Variants in PPT1 observed in about 807,000 individuals in gnomAD.
PPT1 encodes ceroid-palmitoyl-palmitoyl-protein thioesterase 1.
Under a neutral mutation model 44.0 loss-of-function variants are expected in PPT1, and 24 were observed. That is an observed-to-expected ratio of 0.54 (90% CI 0.39 to 0.77). The LOEUF is 0.77. Among genes scored for constraint, PPT1 ranks in the 30% least tolerant of loss-of-function variants. The probability of loss-of-function intolerance (pLI) is 0.00; values close to 1 mark genes in which losing one functional copy is unlikely to be tolerated. For synonymous variants in PPT1, 148 were observed against 140.2 expected, an observed-to-expected ratio of 1.06 and a Z score of -0.39; for missense variants, 341 against 378.8, an observed-to-expected ratio of 0.90 and a Z score of 0.83.
chr1:40,086,159 G>A (rs1649249599), intron 5 of PPT1, among the ~76,000 whole-genome samples: 1 of 152,202 alleles, frequency 6.6e-6, no homozygotes, highest in African/African-American at 2.4e-5. Flanking sequence ...GAGCTGGTAC[G>A]GGGGAAGACG....
At chr1:40,080,135 G>A (rs372239206) in intron 6 of PPT1, among the ~76,000 whole-genome samples, 1 of 152,158 alleles carries the variant, frequency 6.6e-6, no homozygotes, top group South Asian at 2.1e-4. Context: ...TTTCCACCTC[G>A]CCCAGTCAGC....
At chr1:40,093,677 G>A (rs893294467) in intron 1 of PPT1, among the ~76,000 whole-genome samples, 29 of 152,124 alleles carry the variant, frequency 1.9e-4, no homozygotes, top group Non-Finnish European at 3.8e-4. Flanking sequence ...ACAAGGTCAG[G>A]AGCTCGAGAC....
At chr1:40,083,109 C>T (rs367633500) in intron 5 of PPT1, among the ~76,000 whole-genome samples, 2 of 152,176 alleles carry the variant, frequency 1.3e-5, no homozygotes, top group East Asian at 3.8e-4. Flanking sequence ...CTATTTTAAG[C>T]CCACTGTTGA....
intron 7 of PPT1, 62 bp from the exon 8 acceptor site, chr1:40,076,975 T>C: frequency 1.3e-6 from 2 of 1,586,516 alleles, no homozygotes; most frequent in Non-Finnish European, 8.6e-7. Context: ...GCCAAAATAA[T>C]TTGAGACTGG....
chr1:40,083,486 A>G (rs1258567619), intron 5 of PPT1, among the ~76,000 whole-genome samples: 1 of 152,164 alleles, frequency 6.6e-6, no homozygotes, highest in African/African-American at 2.4e-5. Context: ...AAAAAAGTTT[A>G]AAAACAAACT....
At chr1:40,081,057 G>T (rs1219525473) in intron 5 of PPT1, among the ~76,000 whole-genome samples, 2 of 152,174 alleles carry the variant, frequency 1.3e-5, no homozygotes, top group Admixed American at 6.5e-5. Flanking sequence ...CTTCTCCTGT[G>T]ACACTGGGGT....
intron 5 of PPT1, among the ~76,000 whole-genome samples, chr1:40,088,041 AGTT>A (rs1272279870): frequency 6.6e-6 from 1 of 152,200 alleles, no homozygotes; most frequent in Admixed American, 6.5e-5. Context: ...TGTAATAAAA[AGTT>A]GTTATTTGAC....
chr1:40,090,869 C>T (rs1328575705), intron 4 of PPT1, among the ~76,000 whole-genome samples: 3 of 152,204 alleles, frequency 2.0e-5, no homozygotes, highest in Non-Finnish European at 4.4e-5. Flanking sequence ...AAATTCCATT[C>T]TAATGACACA....
At chr1:40,075,797 C>G (rs1282156190) in intron 8 of PPT1, among the ~76,000 whole-genome samples, 1 of 151,224 alleles carries the variant, frequency 6.6e-6, no homozygotes, top group African/African-American at 2.4e-5. Flanking sequence ...AACCCCGTCT[C>G]TACTAACAAA....
At chr1:40,080,376 G>A in intron 6 of PPT1, 21 bp downstream of exon 6, 2 of 1,606,908 alleles carry the variant, frequency 1.2e-6, no homozygotes, top group Non-Finnish European at 1.7e-6. Flanking sequence ...ACATCTATGG[G>A]AGCCCGGTTT....
At chr1:40,076,347 C>T (rs1484237391) in intron 8 of PPT1, among the ~76,000 whole-genome samples, 3 of 152,050 alleles carry the variant, frequency 2.0e-5, no homozygotes, top group Non-Finnish European at 4.4e-5. Context: ...CACCTGTAAT[C>T]CCAGCTACTA....
intron 4 of PPT1, chr1:40,089,715 T>G (rs1649454246): frequency 1.5e-6 from 1 of 650,698 alleles, no homozygotes; most frequent in African/African-American, 1.8e-5. Context: ...CCTAAGGATC[T>G]TTTTACCTGC....
Position 40,089,378 on chromosome 1 carries a change from G to T in PPT1, c.536+32C>A, listed in dbSNP as rs373524446. 392 of 1,542,190 alleles carry T rather than the reference G, an allele frequency of 2.5e-4. 3 individuals carry two copies. The highest frequency in any genetic ancestry group is 1.2e-3 in the South Asian group (111 of 89,668). On this transcript the variant is annotated intron_variant, in intron 5 of 8. Coordinates refer to ENST00000642050, the MANE Select transcript of PPT1 (RefSeq NM_000310.4). ...AGCATGATATTTTCACACGGTGACA[G>T]GTCTGTAATCTTTTCAGCTAACCAT...
intron 5 of PPT1, among the ~76,000 whole-genome samples, chr1:40,087,180 C>T (rs546763615): frequency 6.6e-6 from 1 of 152,126 alleles, no homozygotes; most frequent in East Asian, 1.9e-4. Context: ...TCTGCTACCA[C>T]TTAATTAAAG....
chr1:40,083,226 C>A (rs957505744), intron 5 of PPT1, among the ~76,000 whole-genome samples: 68 of 152,244 alleles, frequency 4.5e-4, no homozygotes, highest in African/African-American at 1.5e-3. Context: ...GGTAGGAGGA[C>A]CATTTGAGGC....
At chr1:40,096,724 T>C (rs760738928) in intron 1 of PPT1, 9 of 243,892 alleles carry the variant, frequency 3.7e-5, no homozygotes, top group Non-Finnish European at 5.7e-5. Flanking sequence ...AAATGAACTG[T>C]AGGTGCCTAA....
Position 40,092,146 on chromosome 1 carries a change from A to G in PPT1, c.261T>C (p.Asn87=), listed in dbSNP as rs1444699051. The change falls in exon 3 of 9, where the codon AAT becomes AAC. Residue 87 remains asparagine (N), a synonymous_variant. Transcript: ENST00000642050. ...MEDVENSFFL[N]VNSQVTTVCQ... ...ACACTGTTGTTACTTGGGAATTGAC[A>G]TTCAAGAAGAAGCTGTTCTCCACGT... The G allele has an allele frequency of 6.2e-7, 1 of 1,614,180 alleles. No individual in the cohort carries two copies. Among genetic ancestry groups the G allele is most frequent in the Admixed American group, 1.7e-5 (1 of 60,022 alleles).
downstream of PPT1, chr1:40,071,657 A>G (rs1223424750): frequency 1.5e-6 from 1 of 647,128 alleles, no homozygotes; most frequent in Non-Finnish European, 2.7e-6. Context: ...TCTGAGAAGC[A>G]CAGCTACCTG....
intron 5 of PPT1, among the ~76,000 whole-genome samples, chr1:40,083,641 A>C (rs941714269): frequency 2.6e-5 from 4 of 152,160 alleles, no homozygotes; most frequent in African/African-American, 9.7e-5. Context: ...AGTAATTTCA[A>C]TTTTCAAGTC....
Sources: gnomAD v4.1 joint callset for allele counts (sites outside exome capture counted in the v4.1 genomes callset) on GRCh38, gnomAD v4.1.1 for gene constraint, MANE v1.5 for transcripts, NCBI Gene and HGNC (gene_info 2026-07-23, HGNC 2026-07-21) for gene names.